ARHGAP24: variants seen among roughly 807,000 people sequenced by gnomAD.
ARHGAP24 encodes the protein Rho GTPase activating protein 24, also known as rho GTPase-activating protein 24.
ARHGAP24 carries 50 observed loss-of-function variants against 76.4 expected under a neutral mutation model. That is an observed-to-expected ratio of 0.65 (90% CI 0.52 to 0.83). The LOEUF (loss-of-function observed/expected upper bound fraction) is 0.83. Ranked by LOEUF, ARHGAP24 falls within the 40% of genes least tolerant of loss-of-function variation. The pLI, the probability that ARHGAP24 is intolerant of heterozygous loss-of-function variation, is 0.00. For synonymous variants in ARHGAP24, 345 were observed against 323.3 expected (o/e 1.07, Z -0.72); for missense variants, 930 against 914.2 (o/e 1.02, Z -0.22).
At chr4:85,660,452 G>A (rs928179409) in intron 2 of ARHGAP24, among the ~76,000 whole-genome samples, 13 of 152,122 alleles carry the variant, frequency 8.5e-5, no homozygotes, top group Admixed American at 7.9e-4. Flanking sequence ...CAGGGCTACA[G>A]TACTCAAATA....
intron 3 of ARHGAP24, among the ~76,000 whole-genome samples, chr4:85,788,172 A>C (rs559771192): frequency 6.6e-6 from 1 of 152,154 alleles, no homozygotes; most frequent in Non-Finnish European, 1.5e-5. Context: ...TGATGACCAC[A>C]GACCAGATTC....
At chr4:85,942,437 A>T (rs1354722095) in intron 5 of ARHGAP24, 164 bp downstream of exon 5, 13 of 791,922 alleles carry the variant, frequency 1.6e-5, no homozygotes, top group Non-Finnish European at 2.4e-5. Flanking sequence ...TTACAAAGTC[A>T]AAAATTGGGC....
chr4:85,775,784 A>G (rs2110081144), intron 3 of ARHGAP24, among the ~76,000 whole-genome samples: 1 of 152,292 alleles, frequency 6.6e-6, no homozygotes, highest in African/African-American at 2.4e-5. Context: ...AGTAGGGCTG[A>G]AGCAGGGGAA....
At chr4:85,506,410 C>T (rs781727279) in intron 1 of ARHGAP24, among the ~76,000 whole-genome samples, 1 of 152,216 alleles carries the variant, frequency 6.6e-6, no homozygotes, top group Non-Finnish European at 1.5e-5. Context: ...CCAGTTTGAG[C>T]TTCTTGGCCA....
chr4:85,522,411 A>G (rs527622267), intron 1 of ARHGAP24, among the ~76,000 whole-genome samples: 6 of 152,284 alleles, frequency 3.9e-5, no homozygotes, highest in South Asian at 2.1e-4. Context: ...TATTTTCATA[A>G]CATACTCTCC....
At chr4:85,610,791 G>T (rs1426130878) in intron 2 of ARHGAP24, among the ~76,000 whole-genome samples, 1 of 152,042 alleles carries the variant, frequency 6.6e-6, no homozygotes, top group African/African-American at 2.4e-5. Context: ...TGTCTTTCCA[G>T]GCCTCCTACA....
chr4:85,870,514 C>T (rs908924540), intron 3 of ARHGAP24, among the ~76,000 whole-genome samples: 3 of 152,136 alleles, frequency 2.0e-5, no homozygotes, highest in East Asian at 3.8e-4. Flanking sequence ...CTTTATGGTA[C>T]ATGTTGTCTC....
intron 3 of ARHGAP24, among the ~76,000 whole-genome samples, chr4:85,781,166 T>A (rs1196672946): frequency 3.9e-5 from 6 of 152,256 alleles, no homozygotes; most frequent in Admixed American, 2.0e-4. Flanking sequence ...CAAGATTTAT[T>A]TTCTCAGTGA....
intron 1 of ARHGAP24, among the ~76,000 whole-genome samples, chr4:85,495,634 G>A (rs2110096152): frequency 6.6e-6 from 1 of 152,138 alleles, no homozygotes; most frequent in South Asian, 2.1e-4. Context: ...TTACAGGCGT[G>A]AGCCACCGTG....
At chr4:85,778,799 T>G in intron 3 of ARHGAP24, 1 of 985,392 alleles carries the variant, frequency 1.0e-6, no homozygotes. Flanking sequence ...AACTTAAATA[T>G]AGCTACCACC....
At chr4:85,982,422 C>T (rs1026658675) in intron 8 of ARHGAP24, among the ~76,000 whole-genome samples, 3 of 103,012 alleles carry the variant, frequency 2.9e-5, no homozygotes, top group African/African-American at 1.2e-4. Flanking sequence ...AATGGAGAAG[C>T]AAAATAATCC....
intron 3 of ARHGAP24, among the ~76,000 whole-genome samples, chr4:85,786,598 T>A (rs1017128425): frequency 6.6e-6 from 1 of 152,232 alleles, no homozygotes; most frequent in Middle Eastern, 3.2e-3. Context: ...TCAAAAAGTA[T>A]TAACATGATA....
intron 1 of ARHGAP24, among the ~76,000 whole-genome samples, chr4:85,513,664 G>A (rs1724373305): frequency 6.6e-6 from 1 of 152,180 alleles, no homozygotes; most frequent in South Asian, 2.1e-4. Flanking sequence ...AACACCAGGA[G>A]AAATGTATTG....
intron 2 of ARHGAP24, among the ~76,000 whole-genome samples, chr4:85,615,056 T>C (rs529591585): frequency 6.6e-6 from 1 of 152,190 alleles, no homozygotes; most frequent in African/African-American, 2.4e-5. Flanking sequence ...ACAGTTTTTC[T>C]CAAGATGATC....
intron 2 of ARHGAP24, among the ~76,000 whole-genome samples, chr4:85,689,531 C>T (rs1457279230): frequency 3.9e-5 from 6 of 152,032 alleles, no homozygotes; most frequent in South Asian, 2.1e-4. Flanking sequence ...GGAATATAGG[C>T]GCACACCACC....
At chr4:85,626,587 G>A (rs905395823) in intron 2 of ARHGAP24, among the ~76,000 whole-genome samples, 1 of 152,116 alleles carries the variant, frequency 6.6e-6, no homozygotes, top group Non-Finnish European at 1.5e-5. Flanking sequence ...TAATTTTGTG[G>A]CATTCTCTGT....
chr4:85,691,541 A>G (rs1050726668), intron 2 of ARHGAP24, among the ~76,000 whole-genome samples: 2 of 152,188 alleles, frequency 1.3e-5, no homozygotes, highest in African/African-American at 4.8e-5. Context: ...GGGTGCAGAT[A>G]TATTTAAGAT....
At chr4:85,610,172 T>G (rs1364538724) in intron 2 of ARHGAP24, among the ~76,000 whole-genome samples, 1 of 152,014 alleles carries the variant, frequency 6.6e-6, no homozygotes, top group Non-Finnish European at 1.5e-5. Flanking sequence ...TACCATGGTA[T>G]GAAGCACATA....
intron 1 of ARHGAP24, among the ~76,000 whole-genome samples, chr4:85,488,770 C>T (rs997098745): frequency 2.0e-5 from 3 of 152,038 alleles, no homozygotes; most frequent in Non-Finnish European, 4.4e-5. Context: ...AGTTAAGTAC[C>T]ATCTTTGGCA....
Sources: allele counts gnomAD v4.1 joint callset (sites outside exome capture counted in the v4.1 genomes callset), GRCh38; gene constraint gnomAD v4.1.1; transcripts MANE v1.5; gene names NCBI Gene and HGNC (gene_info 2026-07-23, HGNC 2026-07-21).